The following PTPRN2 variants were observed in gnomAD, a reference collection of about 807,000 sequenced individuals.
The protein encoded by PTPRN2 is protein tyrosine phosphatase receptor type N2.
Under a neutral mutation model 118.8 loss-of-function variants are expected in PTPRN2, and 74 were observed. The observed-to-expected ratio is 0.62, with a 90% CI of 0.52 to 0.76. The LOEUF is 0.76. PTPRN2 is among the 30% of genes least tolerant of loss of function. PTPRN2 has a pLI of 0.00. For synonymous variants in PTPRN2, 641 were observed against 608.0 expected (o/e 1.05, Z -0.80); for missense variants, 1,481 against 1,394.4 (o/e 1.06, Z -0.99).
intron 2 of PTPRN2, among the ~76,000 whole-genome samples, chr7:158,330,708 C>T (rs189504193): frequency 8.7e-6 from 1 of 115,344 alleles, no homozygotes; most frequent in African/African-American, 2.8e-5. Context: ...TCCATACTCT[C>T]ACCATAAGAG....
intron 2 of PTPRN2, among the ~76,000 whole-genome samples, chr7:158,415,564 TAC>T (rs1814589384): frequency 1.3e-5 from 2 of 152,174 alleles, no homozygotes; most frequent in African/African-American, 4.8e-5. Context: ...ACTGTGGATG[TAC>T]AGAAAGGGTT....
intron 2 of PTPRN2, among the ~76,000 whole-genome samples, chr7:158,380,495 A>G (rs1810886631): frequency 6.6e-6 from 1 of 152,212 alleles, no homozygotes; most frequent in South Asian, 2.1e-4. Flanking sequence ...GGTCATGGTG[A>G]TGCAAGAGGT....
intron 5 of PTPRN2, among the ~76,000 whole-genome samples, chr7:158,169,027 T>C (rs894292197): frequency 1.3e-5 from 2 of 152,172 alleles, no homozygotes; most frequent in African/African-American, 2.4e-5. Flanking sequence ...TATTTTCTAC[T>C]TGCACCTCCT....
At chr7:158,581,170 A>T (rs1048343021) in intron 1 of PTPRN2, among the ~76,000 whole-genome samples, 2 of 152,306 alleles carry the variant, frequency 1.3e-5, no homozygotes, top group South Asian at 4.1e-4. Context: ...TCCTGGGATG[A>T]CCACTGGGAG....
intron 14 of PTPRN2, among the ~76,000 whole-genome samples, chr7:157,635,902 G>A (rs552765711): frequency 6.6e-6 from 1 of 152,352 alleles, no homozygotes. Context: ...TGCATGAGCA[G>A]CTCTGGACCC....
In PTPRN2 at chr7:158,002,687, C is replaced by T. The variant is rs147534896; in HGVS notation, c.1723+78611G>A. On this transcript the variant is annotated intron_variant, in intron 11 of 22. Coordinates refer to ENST00000389418, the MANE Select transcript of PTPRN2 (RefSeq NM_002847.5). ...GGGAAATGTCCAGGAATCCTGGGGC[C>T]GGGGCCTGCTCCCTGGAAGCAGATC... 4.1e-3 allele frequency among the ~76,000 whole-genome samples: 623 copies of T among 152,276 alleles called. 5 individuals carry two copies. Among genetic ancestry groups the T allele is most frequent in the African/African-American group, 0.012 (505 of 41,568 alleles).
At chr7:157,984,457 C>T (rs1333897828) in intron 11 of PTPRN2, among the ~76,000 whole-genome samples, 1 of 135,148 alleles carries the variant, frequency 7.4e-6, no homozygotes, top group Non-Finnish European at 1.6e-5. Flanking sequence ...ACCCCCCCCA[C>T]GCCAGGCTCC....
intron 12 of PTPRN2, among the ~76,000 whole-genome samples, chr7:157,759,149 C>T (rs978726229): frequency 3.9e-5 from 6 of 152,228 alleles, no homozygotes; most frequent in African/African-American, 9.6e-5. Context: ...CTGGATCTGC[C>T]GCTCCCCCCT....
chr7:158,415,287 C>G (rs905928373), intron 2 of PTPRN2, among the ~76,000 whole-genome samples: 4 of 152,148 alleles, frequency 2.6e-5, no homozygotes, highest in Admixed American at 6.5e-5. Context: ...ACAAAAACAA[C>G]CTGTAGCAGG....
At chr7:157,871,882 C>A (rs976840411) in intron 12 of PTPRN2, among the ~76,000 whole-genome samples, 5 of 151,784 alleles carry the variant, frequency 3.3e-5, no homozygotes, top group African/African-American at 1.2e-4. Context: ...GCCACGCATA[C>A]CCAGCACCTC....
intron 11 of PTPRN2, among the ~76,000 whole-genome samples, chr7:157,933,611 T>A (rs1297693436): frequency 6.7e-5 from 8 of 120,106 alleles, no homozygotes; most frequent in Middle Eastern, 6.3e-3. Context: ...ACAGTTTTAG[T>A]GGAGGGATGA....
intron 3 of PTPRN2, among the ~76,000 whole-genome samples, chr7:158,242,170 C>G (rs1485549316): frequency 6.6e-6 from 1 of 152,174 alleles, no homozygotes; most frequent in Non-Finnish European, 1.5e-5. Flanking sequence ...GGAGCTGAAC[C>G]TAAAGTTTCC....
chr7:157,670,804 CTT>C (rs1048123243), intron 13 of PTPRN2, among the ~76,000 whole-genome samples: 10 of 152,240 alleles, frequency 6.6e-5, no homozygotes, highest in African/African-American at 2.4e-4. Flanking sequence ...CTGAACCTTG[CTT>C]TTCAGTTTCA....
At chr7:158,148,090 C>T (rs11975160) in intron 6 of PTPRN2, among the ~76,000 whole-genome samples, 40 of 248 alleles carry the variant, frequency 0.16, no homozygotes, top group East Asian at 0.33. Flanking sequence ...GTCTTTCCCC[C>T]TCAATGACAC....
chr7:157,704,132 T>C (rs544302229), intron 12 of PTPRN2, among the ~76,000 whole-genome samples: 1 of 152,174 alleles, frequency 6.6e-6, no homozygotes, highest in Admixed American at 6.5e-5. Context: ...TACACTGCCA[T>C]GGTTTAGAGG....
intron 11 of PTPRN2, among the ~76,000 whole-genome samples, chr7:158,056,830 C>T (rs116527077): frequency 0.01 from 1,544 of 152,304 alleles, 19 homozygotes; most frequent in African/African-American, 0.034. Flanking sequence ...TTAAGTCCCA[C>T]GCATCATCCC....
intron 12 of PTPRN2, among the ~76,000 whole-genome samples, chr7:157,700,620 C>T (rs1376169999): frequency 6.6e-6 from 1 of 152,228 alleles, no homozygotes; most frequent in South Asian, 2.1e-4. Flanking sequence ...CCATCCACCA[C>T]CCTCAGCCTC....
intron 8 of PTPRN2, among the ~76,000 whole-genome samples, chr7:158,135,645 A>T (rs915392750): frequency 6.6e-6 from 1 of 152,136 alleles, no homozygotes; most frequent in African/African-American, 2.4e-5. Context: ...CCTGCCCCTC[A>T]GGTGGGAGGG....
chr7:158,428,527 C>T (rs1815927055), intron 2 of PTPRN2, among the ~76,000 whole-genome samples: 1 of 152,232 alleles, frequency 6.6e-6, no homozygotes, highest in Non-Finnish European at 1.5e-5. Flanking sequence ...TATTGGGACA[C>T]TTTTACAGCT....
Sources: gnomAD v4.1 joint callset for allele counts (sites outside exome capture counted in the v4.1 genomes callset) on GRCh38, gnomAD v4.1.1 for gene constraint, MANE v1.5 for transcripts, NCBI Gene and HGNC (gene_info 2026-07-23, HGNC 2026-07-21) for gene names.